The following GON4L variants were observed in gnomAD, a reference collection of about 807,000 sequenced individuals.
The protein encoded by GON4L is gon-4 like, also known as GON-4-like protein.
In GON4L, 87 loss-of-function variants were observed where a neutral mutation model predicts 211.8. The observed-to-expected ratio is 0.41, with a 90% CI of 0.35 to 0.49. The LOEUF is 0.49. Among genes scored for constraint, GON4L ranks in the 20% least tolerant of loss-of-function variants. GON4L has a pLI of 0.15. For synonymous variants in GON4L, 875 were observed against 962.6 expected (o/e 0.91, Z 1.68); for missense variants, 2,155 against 2,659.5 (o/e 0.81, Z 4.17).
In GON4L at chr1:155,766,226, A is replaced by G. The variant is rs1176106245; in HGVS notation, c.3247T>C (p.Phe1083Leu). The change falls in exon 21 of 32, where the codon TTC (phenylalanine) becomes CTC (leucine). Residue 1083 changes from phenylalanine (F) to leucine (L), a missense_variant. Phe to Leu is a conservative substitution (Grantham distance 22, BLOSUM62 0). Around this residue, in one of 6 missense-constraint regions of GON4L, gnomAD observed 615 missense variants for 625.7 expected, o/e 0.98. Transcript: ENST00000368331. Reference protein sequence around the residue: ...PAVPPEARTSFPLSESQTLLS... With the variant: ...PAVPPEARTSLPLSESQTLLS... ...AAAGTCTGGGACTCAGACAGAGGGA[A>G]GCTTGTCCTGGCCTCAGGGGGCACA... 1 of 1,614,134 alleles carries G rather than the reference A, an allele frequency of 6.2e-7. No individual in the cohort carries two copies. The highest frequency in any genetic ancestry group is 1.3e-5 in the African/African-American group (1 of 75,010).
At chr1:155,859,031 A>G (rs763781763), upstream of GON4L, among the ~76,000 whole-genome samples, 4 of 151,952 alleles carry the variant, frequency 2.6e-5, no homozygotes, top group African/African-American at 7.3e-5. Context: ...GAGTTGTGCA[A>G]CCATCCCCAG....
intron 1 of GON4L, among the ~76,000 whole-genome samples, chr1:155,855,574 C>G (rs1672196837): frequency 6.6e-6 from 1 of 152,074 alleles, no homozygotes; most frequent in South Asian, 2.1e-4. Flanking sequence ...TATTGATACT[C>G]AATGTGTCAC....
chr1:155,775,470 T>C (rs1476656623), intron 16 of GON4L, among the ~76,000 whole-genome samples: 9 of 151,694 alleles, frequency 5.9e-5, no homozygotes, highest in South Asian at 4.2e-4. Flanking sequence ...TTTTTTTTTT[T>C]TCGAGACGGA....
At chr1:155,816,805 A>G in intron 6 of GON4L, among the ~76,000 whole-genome samples, 1 of 138,408 alleles carries the variant, frequency 7.2e-6, no homozygotes, top group South Asian at 2.3e-4. Context: ...AGCTTTTACC[A>G]GGGCATTTAG....
chr1:155,787,702 G>A (rs921182758), intron 12 of GON4L, among the ~76,000 whole-genome samples: 4 of 152,162 alleles, frequency 2.6e-5, no homozygotes, highest in African/African-American at 9.7e-5. Context: ...GAACCCAGGA[G>A]GTGGAGGTTG....
upstream of GON4L, among the ~76,000 whole-genome samples, chr1:155,857,723 T>C (rs1400903953): frequency 9.6e-5 from 4 of 41,518 alleles, no homozygotes; most frequent in Non-Finnish European, 3.6e-4. Context: ...TGAGACTCTG[T>C]ATCAAAAAAA....
chr1:155,773,987 T>C (rs1020664326), intron 17 of GON4L, among the ~76,000 whole-genome samples: 18 of 152,180 alleles, frequency 1.2e-4, no homozygotes, highest in African/African-American at 3.9e-4. Context: ...TACACTTAAA[T>C]ACAACTATTT....
chr1:155,825,941 G>A (rs148011925), intron 3 of GON4L, among the ~76,000 whole-genome samples: 7,277 of 152,194 alleles, frequency 0.048, 241 homozygotes, highest in Middle Eastern at 0.17. Context: ...TACTAGGGAT[G>A]CTGAGGCGGG....
intron 1 of GON4L, among the ~76,000 whole-genome samples, chr1:155,856,028 A>G (rs986488273): frequency 1.3e-4 from 20 of 151,528 alleles, no homozygotes; most frequent in African/African-American, 4.6e-4. Flanking sequence ...TACCCAGGAA[A>G]ACTTTACTGT....
At chr1:155,830,420 G>A (rs1451555667) in intron 2 of GON4L, among the ~76,000 whole-genome samples, 3 of 151,204 alleles carry the variant, frequency 2.0e-5, no homozygotes, top group Non-Finnish European at 4.4e-5. Context: ...TGGGATTATA[G>A]GCATGCACCA....
rs202132715 is a variant in GON4L at position 155,809,969 on chromosome 1, TTATAAATTATATATATATATAATTA to T, written c.1452+3640_1452+3664del. Among the ~76,000 whole-genome samples, 975 of 103,170 alleles carry T rather than the reference TTATAAATTATATATATATATAATTA, an allele frequency of 9.5e-3. 23 individuals carry two copies. The highest frequency in any genetic ancestry group is 0.01 in the Non-Finnish European group (538 of 52,196). The allele number at this position is 103,170 out of a possible 152,430, so 67.7% of individuals were successfully genotyped here. ...AATTATAAATTATATACATATATAA[TTATAAATTATATATATATATAATTA>T]TATATATATATATATTTTTGAAATG... On this transcript the variant is annotated intron_variant, in intron 10 of 31. Transcript: ENST00000368331.
At chr1:155,754,651 T>C (rs976900585) in intron 27 of GON4L, among the ~76,000 whole-genome samples, 163 bp from the exon 28 acceptor site, 8 of 150,550 alleles carry the variant, frequency 5.3e-5, no homozygotes, top group Admixed American at 3.3e-4. Context: ...TGCCTCAGGC[T>C]CCTGAGTAAC....
intron 12 of GON4L, among the ~76,000 whole-genome samples, chr1:155,790,456 G>T (rs765633594): frequency 6.7e-6 from 1 of 148,406 alleles, no homozygotes; most frequent in African/African-American, 2.5e-5. Flanking sequence ...TCGCCCAGCC[G>T]ATCTCAAACT....
At chr1:155,858,639 T>G (rs1205363473), upstream of GON4L, among the ~76,000 whole-genome samples, 7 of 150,624 alleles carry the variant, frequency 4.6e-5, no homozygotes, top group South Asian at 2.1e-4. Context: ...ATTAGTTGTT[T>G]TTTTTTTTTT....
chr1:155,810,446 G>A (rs1375997206), intron 10 of GON4L, among the ~76,000 whole-genome samples: 3 of 151,912 alleles, frequency 2.0e-5, no homozygotes, highest in Admixed American at 1.3e-4. Flanking sequence ...GGTGGCTCAC[G>A]CCTGTAATCC....
intron 27 of GON4L, 128 bp downstream of exon 27, chr1:155,756,830 G>A: frequency 2.9e-6 from 2 of 683,102 alleles, no homozygotes; most frequent in Non-Finnish European, 5.1e-6. Flanking sequence ...TTGAGAGGCT[G>A]AGGTGGGAGA....
intron 2 of GON4L, among the ~76,000 whole-genome samples, chr1:155,838,098 C>T (rs865983741): frequency 9.7e-6 from 1 of 102,588 alleles, no homozygotes; most frequent in Non-Finnish European, 2.6e-5. Context: ...ATCTCTAAAA[C>T]AAAACAAAAA....
downstream of GON4L, among the ~76,000 whole-genome samples, chr1:155,745,647 G>T (rs901172491): frequency 6.6e-6 from 1 of 152,224 alleles, no homozygotes; most frequent in African/African-American, 2.4e-5. Context: ...AGAGAAGCCG[G>T]ACTGGGCCAC....
chr1:155,814,589 T>C, intron 8 of GON4L, 140 bp from the exon 9 acceptor site: 3 of 890,846 alleles, frequency 3.4e-6, no homozygotes, highest in Non-Finnish European at 5.5e-6. Context: ...CTGCTAAAAA[T>C]ACAAAAATAA....
Sources: gnomAD v4.1 joint callset for allele counts (sites outside exome capture counted in the v4.1 genomes callset) on GRCh38, gnomAD v4.1.1 for gene constraint, gnomAD v4.1.1 regional missense constraint, MANE v1.5 for transcripts, NCBI Gene and HGNC (gene_info 2026-07-23, HGNC 2026-07-21) for gene names.